Variants in DENND2B observed in about 807,000 individuals in gnomAD.
The protein encoded by DENND2B is DENN domain-containing protein 2B.
A neutral mutation model predicts 116.0 loss-of-function variants in DENND2B; 32 were observed. That is an observed-to-expected ratio of 0.28 (90% confidence interval 0.21 to 0.37). The LOEUF (loss-of-function observed/expected upper bound fraction) is 0.37. DENND2B is among the 10% of genes least tolerant of loss of function. DENND2B has a pLI of 1.00. For synonymous variants in DENND2B, 588 were observed against 583.9 expected (o/e 1.01, Z -0.10); for missense variants, 1,276 against 1,477.7 (o/e 0.86, Z 2.24).
At chr11:8,824,316 C>T (rs61876201) in intron 4 of DENND2B, among the ~76,000 whole-genome samples, 4,292 of 151,932 alleles carry the variant, frequency 0.028, 86 homozygotes, top group Middle Eastern at 0.048. Flanking sequence ...AAGCCTAGTA[C>T]TCATTAGTAT....
chr11:8,774,882 TA>T, intron 1 of DENND2B, among the ~76,000 whole-genome samples: 2 of 151,352 alleles, frequency 1.3e-5, no homozygotes, highest in African/African-American at 4.9e-5. Flanking sequence ...TTTTAATTAT[TA>T]TTTTCACTTT....
intron 4 of DENND2B, among the ~76,000 whole-genome samples, chr11:8,824,203 CTT>C (rs140701230): frequency 7.3e-4 from 107 of 147,056 alleles, no homozygotes; most frequent in Non-Finnish European, 7.3e-4. Context: ...TGCCTGGCCT[CTT>C]TTTTTTTTTT....
chr11:8,823,905 T>TC (rs199555845), intron 4 of DENND2B, among the ~76,000 whole-genome samples: 3 of 18,370 alleles, frequency 1.6e-4, no homozygotes, highest in Middle Eastern at 0.045. Flanking sequence ...TTCTTCTTCT[T>TC]TTTTTTTTTT....
At chr11:8,805,076 C>T (rs1028749745) in intron 1 of DENND2B, among the ~76,000 whole-genome samples, 1 of 152,202 alleles carries the variant, frequency 6.6e-6, no homozygotes, top group South Asian at 2.1e-4. Flanking sequence ...TCTACAGATG[C>T]CTCAAAGAAG....
intron 1 of DENND2B, among the ~76,000 whole-genome samples, chr11:8,803,915 G>A (rs922457637): frequency 6.6e-6 from 1 of 152,186 alleles, no homozygotes; most frequent in Non-Finnish European, 1.5e-5. Context: ...GGCAGAGGCC[G>A]GGGTCTGGAG....
At chr11:8,718,978 C>A in intron 4 of DENND2B, 1 of 987,220 alleles carries the variant, frequency 1.0e-6, no homozygotes, top group Non-Finnish European at 1.2e-6. Context: ...CTCTCTGCAC[C>A]CCTTTCCCTA....
chr11:8,819,959 TTC>T, intron 4 of DENND2B, among the ~76,000 whole-genome samples: 1 of 152,350 alleles, frequency 6.6e-6, no homozygotes, highest in Admixed American at 6.5e-5. Flanking sequence ...ATTGCAACTT[TTC>T]TCTAAGTCTA....
intron 3 of DENND2B, among the ~76,000 whole-genome samples, chr11:8,853,406 C>G (rs2063079591): frequency 6.6e-6 from 1 of 152,082 alleles, no homozygotes; most frequent in South Asian, 2.1e-4. Flanking sequence ...CTTGAGGGAG[C>G]CTGTTAGCCT....
Position 8,702,007 on chromosome 11 carries a change from T to G in DENND2B, c.2720+565A>C, listed in dbSNP as rs2041789866. Among the ~76,000 whole-genome samples, 1 of 152,078 alleles carries G rather than the reference T, an allele frequency of 6.6e-6. No homozygotes were observed. Among genetic ancestry groups the G allele is most frequent in the Non-Finnish European group, 1.5e-5 (1 of 67,996 alleles). On this transcript the variant is annotated intron_variant, in intron 14 of 19. Transcript: ENST00000313726. This position sits in a 1 kb window ranked among gnomAD's most constrained non-coding sequence, Gnocchi z 4.6. Reference sequence around the variant, plus strand: ...AGCCTTCCTCACCCACTCTCCTCTCTGCACCTCAGTGCCCCCATCACATCC... The same window carrying G: ...AGCCTTCCTCACCCACTCTCCTCTCGGCACCTCAGTGCCCCCATCACATCC...
At chr11:8,786,564 A>C (rs1462330191) in intron 1 of DENND2B, among the ~76,000 whole-genome samples, 2 of 152,142 alleles carry the variant, frequency 1.3e-5, no homozygotes, top group African/African-American at 4.8e-5. Flanking sequence ...TAATCCCAGC[A>C]CTTTGGGAGG....
At chr11:8,771,083 C>A (rs2056766131) in intron 1 of DENND2B, among the ~76,000 whole-genome samples, 1 of 152,180 alleles carries the variant, frequency 6.6e-6, no homozygotes, top group Non-Finnish European at 1.5e-5. Context: ...AGCACCTACC[C>A]TTTACTAAGC....
At position 8,717,963 on chromosome 11, in the gene DENND2B, A is replaced by G. The variant is rs527478809; in HGVS notation, c.1478-71T>C. On this transcript the variant is annotated intron_variant, in intron 4 of 19. Coordinates refer to ENST00000313726, the MANE Select transcript of DENND2B (RefSeq NM_213618.2). ...AACACACGAACTCACACACACACAA[A>G]TAAACAAGCAGAATTCCTGTGAACC... The G allele has an allele frequency of 6.4e-5, 99 of 1,541,048 alleles. No individual in the cohort carries two copies. The East Asian group carries it at 1.8e-3, about 29-fold the overall frequency.
chr11:8,886,767 G>T (rs2063965467), intron 1 of DENND2B, among the ~76,000 whole-genome samples: 1 of 151,914 alleles, frequency 6.6e-6, no homozygotes, highest in South Asian at 2.1e-4. Flanking sequence ...TTGGATTTTT[G>T]CAGTAAATTA....
intron 1 of DENND2B, among the ~76,000 whole-genome samples, chr11:8,900,093 C>A (rs950217939): frequency 1.3e-5 from 2 of 152,012 alleles, no homozygotes; most frequent in Non-Finnish European, 2.9e-5. Flanking sequence ...GAGTTAGAGG[C>A]CAGCCTGGGC....
intron 4 of DENND2B, 37 bp downstream of exon 4, chr11:8,726,036 C>G (rs1400631742): frequency 1.9e-6 from 3 of 1,612,978 alleles, no homozygotes; most frequent in South Asian, 1.1e-5. Context: ...CTGCAGCCCC[C>G]TGAGATGACC....
intron 4 of DENND2B, among the ~76,000 whole-genome samples, chr11:8,722,213 C>T (rs115250776): frequency 0.012 from 1,794 of 152,292 alleles, 30 homozygotes; most frequent in African/African-American, 0.039. Flanking sequence ...CTAGTGTAGG[C>T]AGGAGGCCAG....
upstream of DENND2B, among the ~76,000 whole-genome samples, chr11:8,875,081 T>A (rs531054289): frequency 6.6e-6 from 1 of 152,224 alleles, no homozygotes; most frequent in South Asian, 2.1e-4. Flanking sequence ...CCCAGCACTT[T>A]GGGAGGCCGA....
intron 2 of DENND2B, among the ~76,000 whole-genome samples, chr11:8,877,129 ACT>A (rs1411085291): frequency 2.1e-5 from 2 of 93,096 alleles, no homozygotes; most frequent in Non-Finnish European, 4.0e-5. Context: ...TTTGAGACGG[ACT>A]CTCACTCTGT....
intron 1 of DENND2B, among the ~76,000 whole-genome samples, chr11:8,758,127 G>A (rs1422691004): frequency 5.3e-5 from 8 of 152,144 alleles, no homozygotes; most frequent in African/African-American, 1.2e-4. Context: ...TTTAGTAAGC[G>A]CTTTAAATCA....
Sources: gnomAD v4.1 joint callset for allele counts (sites outside exome capture counted in the v4.1 genomes callset) on GRCh38, gnomAD v4.1.1 for gene constraint, Gnocchi (gnomAD v3.1) non-coding constraint, MANE v1.5 for transcripts, NCBI Gene and HGNC (gene_info 2026-07-23, HGNC 2026-07-21) for gene names.